DIAPH1: variants seen among roughly 807,000 people sequenced by gnomAD.
DIAPH1 encodes the protein protein diaphanous homolog 1.
Under a neutral mutation model 140.7 loss-of-function variants are expected in DIAPH1, and 46 were observed. The ratio of observed to expected loss-of-function variants is 0.33; its 90% CI spans 0.26 to 0.42. DIAPH1 has a LOEUF of 0.42. DIAPH1 is among the 10% of genes least tolerant of loss of function. The pLI, the probability that DIAPH1 is intolerant of heterozygous loss-of-function variation, is 1.00. For missense variants in DIAPH1, 1,310 were observed against 1,558.7 expected (o/e 0.84, Z 2.69); for synonymous variants, 565 against 551.6 (o/e 1.02, Z -0.34).
At chr5:141,548,731 G>A (rs1431665854) in intron 18 of DIAPH1, among the ~76,000 whole-genome samples, 8 of 152,036 alleles carry the variant, frequency 5.3e-5, no homozygotes, top group East Asian at 1.9e-4. Context: ...ACCTAAGCCC[G>A]AGGAGGCTGA....
chr5:141,543,939 A>G (rs1379295394), intron 18 of DIAPH1, among the ~76,000 whole-genome samples: 1 of 152,198 alleles, frequency 6.6e-6, no homozygotes, highest in Non-Finnish European at 1.5e-5. Context: ...ACCTAAAACT[A>G]CCAAACATCT....
At chr5:141,605,325 G>C (rs114781905) in intron 1 of DIAPH1, among the ~76,000 whole-genome samples, 1 of 152,046 alleles carries the variant, frequency 6.6e-6, no homozygotes, top group Non-Finnish European at 1.5e-5. Flanking sequence ...TTTGTGCATA[G>C]AGATAATGAC....
chr5:141,564,939 A>AT (rs1156667168), intron 18 of DIAPH1: 3 of 152,158 alleles, frequency 2.0e-5, no homozygotes, highest in African/African-American at 4.8e-5. Context: ...TACCATAAAT[A>AT]TTTTTTTATT....
chr5:141,566,258 A>G (rs1184931489), intron 18 of DIAPH1, among the ~76,000 whole-genome samples: 7 of 152,224 alleles, frequency 4.6e-5, no homozygotes, highest in Non-Finnish European at 8.8e-5. Context: ...AATCAGTAGA[A>G]GAATTCAAGG....
chr5:141,583,270 C>T lies in DIAPH1; in HGVS notation c.556G>A (p.Glu186Lys), dbSNP rs1440102285. 6.2e-7 allele frequency: 1 copy of T among 1,614,232 alleles called. No individual in the cohort carries two copies. Among genetic ancestry groups the T allele is most frequent in the Admixed American group, 1.7e-5 (1 of 60,028 alleles). The change falls in exon 6 of 28, where the codon GAA becomes AAA. Residue 186 changes from glutamate to lysine, a missense_variant. Coordinates refer to ENST00000389054, the MANE Select transcript of DIAPH1 (RefSeq NM_005219.5). ...PVSWVQTFGA[E>K]GLASLLDILK... ...ATGTCCAATAAGGAGGCCAAGCCTT[C>T]AGCACCAAATGTTTGCACCCAACTG...
intron 18 of DIAPH1, among the ~76,000 whole-genome samples, chr5:141,559,616 A>G (rs2099893204): frequency 6.6e-6 from 1 of 152,234 alleles, no homozygotes; most frequent in Non-Finnish European, 1.5e-5. Flanking sequence ...TTGGTCTTTC[A>G]GATAATATAG....
chr5:141,548,692 G>C (rs1456688747), intron 18 of DIAPH1, among the ~76,000 whole-genome samples: 2 of 152,130 alleles, frequency 1.3e-5, no homozygotes, highest in African/African-American at 2.4e-5. Context: ...TGTAGTCCCA[G>C]TTACTTGGGA....
intron 7 of DIAPH1, 21 bp downstream of exon 7, chr5:141,582,291 T>A (rs895048180): frequency 1.2e-6 from 2 of 1,605,126 alleles, no homozygotes; most frequent in Middle Eastern, 1.7e-4. Flanking sequence ...GGGTTTGGAA[T>A]GAGAATGGGA....
At chr5:141,518,734 G>C in intron 27 of DIAPH1, 1 of 604,860 alleles carries the variant, frequency 1.7e-6, no homozygotes, top group Non-Finnish European at 3.0e-6. Context: ...TGTTGTCTAG[G>C]CTGGTCTTGA....
intron 24 of DIAPH1, 143 bp from the exon 25 acceptor site, chr5:141,526,604 T>A (rs1051687580): frequency 3.4e-6 from 3 of 888,802 alleles, no homozygotes; most frequent in East Asian, 2.5e-5. Context: ...ACCAAAGCCA[T>A]GTAGGTACCC....
Position 141,592,171 on chromosome 5 carries a change from C to T in DIAPH1, c.118-3921G>A, listed in dbSNP as rs185844191. Among the ~76,000 whole-genome samples the T allele has an allele frequency of 1.3e-4, 20 of 151,604 alleles. No individual in the cohort carries two copies. In the East Asian group the frequency reaches 3.3e-3, roughly 25 times the overall value. ...GGGGAAGGACAGCAAACATGATCCACGAGGGAAAAAAAGCTGCATTTCCTG... is the reference window on the plus strand; with the variant it reads ...GGGGAAGGACAGCAAACATGATCCATGAGGGAAAAAAAGCTGCATTTCCTG... On this transcript the variant is annotated intron_variant, in intron 1 of 27. Transcript: ENST00000389054.
intron 18 of DIAPH1, among the ~76,000 whole-genome samples, chr5:141,555,811 G>T (rs1348213616): frequency 6.6e-6 from 1 of 152,176 alleles, no homozygotes; most frequent in East Asian, 1.9e-4. Context: ...GCCGTGCCAG[G>T]ATCCGTATTT....
intron 19 of DIAPH1, among the ~76,000 whole-genome samples, chr5:141,530,338 G>A (rs981316687): frequency 3.3e-5 from 5 of 151,862 alleles, no homozygotes; most frequent in African/African-American, 9.7e-5. Context: ...ATTTCATTAG[G>A]AGCCTCTAAA....
intron 1 of DIAPH1, among the ~76,000 whole-genome samples, chr5:141,595,658 G>A (rs978288320): frequency 3.9e-5 from 6 of 152,132 alleles, no homozygotes; most frequent in African/African-American, 1.4e-4. Context: ...CTTCTCCTTT[G>A]CCTTCCATCA....
At chr5:141,595,041 CAA>C (rs1201705026) in intron 1 of DIAPH1, among the ~76,000 whole-genome samples, 17 of 79,050 alleles carry the variant, frequency 2.2e-4, no homozygotes, top group Non-Finnish European at 2.6e-4. Flanking sequence ...AACTCCATCT[CAA>C]AAAAAAAAAA....
chr5:141,532,250 C>T (rs2099888342), intron 19 of DIAPH1, among the ~76,000 whole-genome samples: 1 of 152,124 alleles, frequency 6.6e-6, no homozygotes, highest in African/African-American at 2.4e-5. Flanking sequence ...CAGCTCACTG[C>T]AACCTCAAAT....
chr5:141,581,185 T>C (rs952716397), intron 7 of DIAPH1, among the ~76,000 whole-genome samples: 5 of 152,156 alleles, frequency 3.3e-5, no homozygotes, highest in South Asian at 2.1e-4. Context: ...TGTGATCACA[T>C]AGGCAGAGAT....
chr5:141,536,135 A>G (rs2099888980), intron 18 of DIAPH1: 2 of 398,204 alleles, frequency 5.0e-6, no homozygotes, highest in Non-Finnish European at 1.1e-5. Flanking sequence ...CCCTGTCTCT[A>G]TAAAAAAAGT....
At chr5:141,577,732 C>A in intron 11 of DIAPH1, 141 bp from the exon 12 acceptor site, 4 of 700,702 alleles carry the variant, frequency 5.7e-6, no homozygotes, top group Non-Finnish European at 5.2e-6. Context: ...GTAAACATCA[C>A]CAGAAACTTT....
Sources: allele counts gnomAD v4.1 joint callset (sites outside exome capture counted in the v4.1 genomes callset), GRCh38; gene constraint gnomAD v4.1.1; transcripts MANE v1.5; gene names NCBI Gene and HGNC (gene_info 2026-07-23, HGNC 2026-07-21).